The following DLG2 variants were observed in gnomAD, a reference collection of about 807,000 sequenced individuals.
The protein encoded by DLG2 is disks large homolog 2.
DLG2 carries 45 observed loss-of-function variants against 132.5 expected under a neutral mutation model. The observed-to-expected ratio is 0.34, with a 90% CI of 0.27 to 0.44. The LOEUF (loss-of-function observed/expected upper bound fraction) is 0.44. Ranked by LOEUF, DLG2 falls within the 20% of genes least tolerant of loss-of-function variation. The pLI, the probability that DLG2 is intolerant of heterozygous loss-of-function variation, is 1.00. For missense variants in DLG2, 1,045 were observed against 1,196.9 expected (o/e 0.87, Z 1.87); for synonymous variants, 424 against 419.6 (o/e 1.01, Z -0.13).
intron 6 of DLG2, among the ~76,000 whole-genome samples, chr11:84,747,140 C>G (rs1326851721): frequency 1.3e-5 from 2 of 152,062 alleles, no homozygotes; most frequent in Admixed American, 1.3e-4. Context: ...AATACTTGTA[C>G]AACAAGTTCT....
At chr11:83,562,274 G>A (rs1436015293) in intron 19 of DLG2, among the ~76,000 whole-genome samples, 3 of 152,034 alleles carry the variant, frequency 2.0e-5, no homozygotes, top group East Asian at 1.9e-4. Context: ...TTAAAGTGAC[G>A]CTTTAACTCT....
chr11:83,488,203 G>T (rs974366034), intron 21 of DLG2, among the ~76,000 whole-genome samples: 1 of 151,880 alleles, frequency 6.6e-6, no homozygotes, highest in Non-Finnish European at 1.5e-5. Flanking sequence ...ATCTTTAATT[G>T]AATGAGAGTA....
chr11:85,077,828 G>C (rs1036116171), intron 6 of DLG2, among the ~76,000 whole-genome samples: 5 of 151,948 alleles, frequency 3.3e-5, no homozygotes, highest in Non-Finnish European at 7.4e-5. Context: ...TTTATATTTA[G>C]AGGGATAGTC....
chr11:83,924,232 T>C (rs1430603399), intron 15 of DLG2, among the ~76,000 whole-genome samples: 2 of 152,150 alleles, frequency 1.3e-5, no homozygotes, highest in Non-Finnish European at 2.9e-5. Flanking sequence ...TTGGAATTTG[T>C]ATTTGATTTT....
intron 6 of DLG2, among the ~76,000 whole-genome samples, chr11:85,040,366 T>C (rs1254678169): frequency 4.6e-5 from 7 of 151,998 alleles, no homozygotes; most frequent in Admixed American, 1.3e-4. Context: ...TGTTATGTTA[T>C]GCTTACCACA....
At chr11:84,098,802 C>T in intron 10 of DLG2, 121 bp downstream of exon 10, 1 of 1,149,838 alleles carries the variant, frequency 8.7e-7, no homozygotes, top group Non-Finnish European at 1.2e-6. Context: ...AGGAAGCTTG[C>T]CTTAAAAATC....
chr11:83,792,468 C>T lies in DLG2; in HGVS notation c.1723-5676G>A, dbSNP rs540420249. Among the ~76,000 whole-genome samples the T allele has an allele frequency of 1.4e-4, 22 of 152,120 alleles. No individual in the cohort carries two copies. In the South Asian group the frequency reaches 3.7e-3, roughly 26 times the overall value. The stretch of plus-strand genomic sequence containing the variant: ...TGAAAAGACATACAATTAAAAGGCT[C>T]CCTTACCTCCTATTATTCTCTACAA... On this transcript the variant is annotated intron_variant, in intron 17 of 27. Transcript: ENST00000376104.
chr11:85,078,195 T>C (rs1200850791), intron 6 of DLG2, among the ~76,000 whole-genome samples: 1 of 149,696 alleles, frequency 6.7e-6, no homozygotes, highest in Non-Finnish European at 1.5e-5. Flanking sequence ...GGTAAGTTAA[T>C]ATCTAGTATG....
intron 7 of DLG2, among the ~76,000 whole-genome samples, chr11:84,521,425 G>C (rs1021957305): frequency 3.3e-5 from 5 of 152,212 alleles, no homozygotes; most frequent in Non-Finnish European, 7.3e-5. Context: ...CTAGGTGGCT[G>C]CCTTGGGAAA....
intron 6 of DLG2, among the ~76,000 whole-genome samples, chr11:84,975,206 A>G (rs995671853): frequency 6.6e-6 from 1 of 152,158 alleles, no homozygotes; most frequent in Non-Finnish European, 1.5e-5. Flanking sequence ...TCCATTATCC[A>G]TTTTCCCTTC....
chr11:84,878,571 G>C (rs2086782815), intron 6 of DLG2, among the ~76,000 whole-genome samples: 1 of 152,118 alleles, frequency 6.6e-6, no homozygotes, highest in Non-Finnish European at 1.5e-5. Flanking sequence ...TGGGTGGCTA[G>C]GGGAGGGATA....
intron 19 of DLG2, among the ~76,000 whole-genome samples, chr11:83,620,037 T>G (rs1027438382): frequency 3.3e-5 from 5 of 152,182 alleles, no homozygotes; most frequent in African/African-American, 1.2e-4. Context: ...AAACTTATAC[T>G]CAATTCACAC....
intron 7 of DLG2, among the ~76,000 whole-genome samples, chr11:84,400,511 T>C (rs2098825736): frequency 6.6e-6 from 1 of 152,170 alleles, no homozygotes; most frequent in African/African-American, 2.4e-5. Flanking sequence ...AATTTGTTTG[T>C]CTCTCCAACA....
intron 18 of DLG2, among the ~76,000 whole-genome samples, chr11:83,717,738 T>C (rs371452074): frequency 1.3e-5 from 2 of 152,166 alleles, no homozygotes; most frequent in African/African-American, 4.8e-5. Context: ...CCAGCCCCTC[T>C]CTGGTAAGAA....
At chr11:84,910,762 A>AAAC (rs59825403) in intron 6 of DLG2, among the ~76,000 whole-genome samples, 3,943 of 141,386 alleles carry the variant, frequency 0.028, 94 homozygotes, top group African/African-American at 0.061. Context: ...AAGGAAGAAA[A>AAAC]AACAACAACA....
At chr11:85,070,844 A>T (rs930739995) in intron 6 of DLG2, among the ~76,000 whole-genome samples, 12 of 151,810 alleles carry the variant, frequency 7.9e-5, no homozygotes, top group African/African-American at 2.7e-4. Context: ...TTGCTTTGTG[A>T]AATGTCTATA....
intron 11 of DLG2, among the ~76,000 whole-genome samples, chr11:83,986,713 C>T (rs1191540170): frequency 2.6e-5 from 4 of 152,040 alleles, no homozygotes; most frequent in African/African-American, 9.7e-5. Context: ...ACATCCTCTC[C>T]AGCACCTGTT....
chr11:85,488,446 G>T (rs1005247818), intron 3 of DLG2, among the ~76,000 whole-genome samples: 2 of 151,264 alleles, frequency 1.3e-5, no homozygotes, highest in African/African-American at 4.9e-5. Context: ...CTCCTGCCAT[G>T]ATTCTGAGGC....
chr11:85,213,772 T>C (rs2082399324), intron 4 of DLG2, among the ~76,000 whole-genome samples: 1 of 152,064 alleles, frequency 6.6e-6, no homozygotes, highest in African/African-American at 2.4e-5. Context: ...TGTCTCAACT[T>C]TGGAATGCCC....
Sources: allele counts gnomAD v4.1 joint callset (sites outside exome capture counted in the v4.1 genomes callset), GRCh38; gene constraint gnomAD v4.1.1; transcripts MANE v1.5; gene names NCBI Gene and HGNC (gene_info 2026-07-23, HGNC 2026-07-21).